RP1: variants seen among roughly 807,000 people sequenced by gnomAD.
RP1 encodes the protein oxygen-regulated protein 1.
Under a neutral mutation model 14.8 loss-of-function variants are expected in RP1, and 16 were observed. That is an observed-to-expected ratio of 1.08 (90% confidence interval 0.73 to 1.65). RP1 has a LOEUF of 1.65. Among genes scored for constraint, RP1 ranks in the 40% most tolerant of loss-of-function variants. The pLI is 0.00. For missense variants in RP1, 2,631 were observed against 2,535.0 expected, an observed-to-expected ratio of 1.04 and a Z score of -0.81; for synonymous variants, 876 against 883.6, an observed-to-expected ratio of 0.99 and a Z score of 0.15.
chr8:54,758,859 G>T, intron 21 of RP1: 3 of 1,473,998 alleles, frequency 2.0e-6, no homozygotes, highest in East Asian at 2.5e-5. Flanking sequence ...ATTATTGCCT[G>T]CATTTGTCAT....
chr8:54,734,534 T>C (rs1238197033), intron 17 of RP1: 3 of 1,529,912 alleles, frequency 2.0e-6, no homozygotes, highest in African/African-American at 1.4e-5. Flanking sequence ...TAATGCTTTT[T>C]TCCCCCATAG....
intron 12 of RP1, chr8:54,696,779 C>T (rs569486162): frequency 4.4e-5 from 32 of 727,478 alleles, no homozygotes; most frequent in African/African-American, 3.8e-4. Context: ...CCCCCAGAAC[C>T]TAAAAATGCC....
At chr8:54,586,590 CA>C (rs1441185351) in intron 1 of RP1, among the ~76,000 whole-genome samples, 1 of 152,252 alleles carries the variant, frequency 6.6e-6, no homozygotes. Flanking sequence ...GCCCTGCCCC[CA>C]GAGGTGGAGT....
At chr8:54,800,387 G>C (rs1810676879) in intron 24 of RP1, among the ~76,000 whole-genome samples, 1 of 151,784 alleles carries the variant, frequency 6.6e-6, no homozygotes, top group Non-Finnish European at 1.5e-5. Context: ...TCTTAGATCT[G>C]TGATTTGGTT....
intron 12 of RP1, among the ~76,000 whole-genome samples, chr8:54,697,683 C>G (rs745514786): frequency 4.7e-4 from 71 of 152,096 alleles, no homozygotes; most frequent in Admixed American, 9.8e-4. Flanking sequence ...GTACTGGTAC[C>G]CAAACAGATA....
chr8:54,750,725 C>T (rs1282200207), intron 19 of RP1, among the ~76,000 whole-genome samples: 2 of 47,478 alleles, frequency 4.2e-5, no homozygotes, highest in Non-Finnish European at 8.2e-5. Flanking sequence ...TAAAAACGCA[C>T]CAATCAGTGC....
At chr8:54,588,735 C>T (rs144081807) in intron 1 of RP1, among the ~76,000 whole-genome samples, 117 of 152,312 alleles carry the variant, frequency 7.7e-4, no homozygotes, top group Non-Finnish European at 1.3e-3. Flanking sequence ...TCTAGATGTA[C>T]ATGGGCCTCC....
intron 12 of RP1, among the ~76,000 whole-genome samples, chr8:54,698,332 A>G (rs191061714): frequency 3.9e-5 from 6 of 152,336 alleles, no homozygotes; most frequent in East Asian, 3.9e-4. Flanking sequence ...CAAAACCACA[A>G]TGAGATACCA....
At chr8:54,696,359 T>G in intron 12 of RP1, 1 of 551,138 alleles carries the variant, frequency 1.8e-6, no homozygotes, top group Non-Finnish European at 3.2e-6. Flanking sequence ...GAAGGATTGG[T>G]TCATTTTAGA....
At chr8:54,843,271 A>AG (rs1303872850) in intron 25 of RP1, among the ~76,000 whole-genome samples, 7 of 152,126 alleles carry the variant, frequency 4.6e-5, no homozygotes, top group African/African-American at 1.7e-4. Context: ...TAGTAGAGAC[A>AG]GGGTTTTGCC....
chr8:54,735,464 T>C (rs1359395121), intron 18 of RP1, among the ~76,000 whole-genome samples: 1 of 152,146 alleles, frequency 6.6e-6, no homozygotes, highest in Non-Finnish European at 1.5e-5. Context: ...CAGCAGTCAT[T>C]TTCTCTGGAG....
rs573437241 is a variant in RP1 at position 54,694,895 on chromosome 8, C to T, written c.1718-4572C>T. 1.0e-3 allele frequency among the ~76,000 whole-genome samples: 156 copies of T among 152,132 alleles called. 2 individuals are homozygous for T. In the South Asian group the frequency reaches 0.012, roughly 12 times the overall value. ...TGTGTTTGCTCTTGCTTTTCTAGTT[C>T]TTTTAATTGTGATGTTAGGATGTCA... On this transcript the variant is annotated intron_variant, in intron 12 of 22. Transcript: ENST00000636932.
At chr8:54,793,200 A>G (rs1234213798) in intron 24 of RP1, among the ~76,000 whole-genome samples, 1 of 151,870 alleles carries the variant, frequency 6.6e-6, no homozygotes, top group Non-Finnish European at 1.5e-5. Flanking sequence ...ATCTCCCAAC[A>G]AGGAAAAAAC....
At chr8:54,819,837 C>T (rs1039254430) in intron 24 of RP1, among the ~76,000 whole-genome samples, 6 of 152,178 alleles carry the variant, frequency 3.9e-5, no homozygotes, top group Non-Finnish European at 7.3e-5. Context: ...GAAAAAGCCT[C>T]TCTCTCCATG....
intron 19 of RP1, among the ~76,000 whole-genome samples, chr8:54,752,582 A>G (rs1242445315): frequency 6.6e-6 from 1 of 152,200 alleles, no homozygotes; most frequent in Non-Finnish European, 1.5e-5. Flanking sequence ...TCCAGTTCAG[A>G]GTTGTGGGTG....
intron 13 of RP1, among the ~76,000 whole-genome samples, chr8:54,700,859 G>A (rs1166138513): frequency 6.6e-6 from 1 of 152,104 alleles, no homozygotes; most frequent in Non-Finnish European, 1.5e-5. Context: ...AGTGTCAGAT[G>A]GTTTCTTGCA....
chr8:54,597,131 G>A (rs924017501), intron 1 of RP1, among the ~76,000 whole-genome samples: 3 of 152,168 alleles, frequency 2.0e-5, no homozygotes, highest in Non-Finnish European at 4.4e-5. Context: ...CCACAGTATG[G>A]TCTCCACACA....
chr8:54,864,352 C>A (rs768122), intron 27 of RP1, among the ~76,000 whole-genome samples: 38,941 of 152,006 alleles, frequency 0.26, 6,089 homozygotes, highest in East Asian at 0.61. Flanking sequence ...AAGATGCTTC[C>A]TCTGTATTAT....
chr8:54,856,126 A>T (rs182571477), intron 26 of RP1, among the ~76,000 whole-genome samples: 140 of 152,336 alleles, frequency 9.2e-4, no homozygotes, highest in Non-Finnish European at 1.7e-3. Context: ...AGTAATGAAA[A>T]TGAACAAGAC....
Sources: allele counts gnomAD v4.1 joint callset (sites outside exome capture counted in the v4.1 genomes callset), GRCh38; gene constraint gnomAD v4.1.1; transcripts MANE v1.5; gene names NCBI Gene and HGNC (gene_info 2026-07-23, HGNC 2026-07-21).